The following GBE1 variants were observed in gnomAD, a reference collection of about 807,000 sequenced individuals.
The protein encoded by GBE1 is 1,4-alpha-glucan-branching enzyme.
A neutral mutation model predicts 88.8 loss-of-function variants in GBE1; 70 were observed. That is an observed-to-expected ratio of 0.79 (90% confidence interval 0.65 to 0.96). The LOEUF is 0.96. Among genes scored for constraint, GBE1 ranks in the 40% least tolerant of loss-of-function variants. The probability of loss-of-function intolerance (pLI) is 0.00; values close to 1 mark genes in which losing one functional copy is unlikely to be tolerated. For synonymous variants in GBE1, 284 were observed against 300.1 expected (o/e 0.95, Z 0.56); for missense variants, 872 against 871.0 (o/e 1.00, Z -0.01).
chr3:81,667,211 T>C (rs1432265444), intron 3 of GBE1, among the ~76,000 whole-genome samples: 2 of 152,192 alleles, frequency 1.3e-5, no homozygotes, highest in Non-Finnish European at 2.9e-5. Flanking sequence ...GTAGCAATTG[T>C]GAATGGGAGT....
At chr3:81,675,480 C>T (rs1267193843) in intron 2 of GBE1, among the ~76,000 whole-genome samples, 2 of 151,948 alleles carry the variant, frequency 1.3e-5, no homozygotes, top group East Asian at 1.9e-4. Flanking sequence ...GAGAAGACAA[C>T]ATGCGTTAAA....
chr3:81,753,124 A>G (rs1377097724), intron 1 of GBE1, among the ~76,000 whole-genome samples: 16 of 152,360 alleles, frequency 1.1e-4, no homozygotes, highest in Non-Finnish European at 1.5e-5. Context: ...TTAATTGTAT[A>G]ATAAATCAAT....
intron 12 of GBE1, among the ~76,000 whole-genome samples, chr3:81,541,700 C>T (rs1011636720): frequency 1.3e-5 from 2 of 151,976 alleles, no homozygotes; most frequent in Admixed American, 6.6e-5. Flanking sequence ...GCCAGTGCCT[C>T]GATCTAGGAC....
At chr3:81,744,423 T>C (rs1706395695) in intron 1 of GBE1, among the ~76,000 whole-genome samples, 1 of 152,152 alleles carries the variant, frequency 6.6e-6, no homozygotes, top group South Asian at 2.1e-4. Context: ...TACATTTCTA[T>C]TGGATAACAT....
intron 15 of GBE1, 22 bp downstream of exon 15, chr3:81,499,088 A>G: frequency 8.3e-7 from 1 of 1,199,242 alleles, no homozygotes; most frequent in East Asian, 2.4e-5. Context: ...ATAGCAGGAA[A>G]TATGTTGAGA....
chr3:81,578,088 A>G lies in GBE1; in HGVS notation c.1455T>C (p.Val485=). ...ACCAAAATGCCAGCGACTTATCCCC[A>G]ACCAATGCCTACAGAAATAAAAGTA... ...AYAESHDQAL[V]GDKSLAFWLM... Residue 485 remains valine (V), a synonymous_variant, in exon 12 of 16, where the codon GTT becomes GTC. Coordinates refer to ENST00000429644, the MANE Select transcript of GBE1 (RefSeq NM_000158.4). 1 of 1,598,342 alleles carries G rather than the reference A, an allele frequency of 6.3e-7. No homozygotes were observed. Among genetic ancestry groups the G allele is most frequent in the Non-Finnish European group, 8.5e-7 (1 of 1,172,524 alleles).
At chr3:81,497,126 A>G (rs1257265910) in intron 15 of GBE1, among the ~76,000 whole-genome samples, 1 of 152,214 alleles carries the variant, frequency 6.6e-6, no homozygotes, top group Non-Finnish European at 1.5e-5. Context: ...TTGAAAAGTA[A>G]TCTCCTGATG....
At position 81,581,254 on chromosome 3, in the gene GBE1, C is replaced by T; in HGVS notation, c.1357G>A (p.Glu453Lys). 1 of 1,589,850 alleles carries T rather than the reference C, an allele frequency of 6.3e-7. No homozygotes were observed. The highest frequency in any genetic ancestry group is 8.5e-7 in the Non-Finnish European group (1 of 1,169,838). The change falls in exon 11 of 16, where the codon GAA becomes AAA. Residue 453 changes from glutamate (E) to lysine (K), a missense_variant. Physicochemically the swap from Glu to Lys is moderately conservative, Grantham distance 56. Transcript: ENST00000429644. ...ACTATATCGCCCATGTTCCAGTCTT[C>T]ATCTTTAAACTCTTTAAGTAGCTAG... ...WIQLLKEFKD[E>K]DWNMGDIVYT...
intron 12 of GBE1, among the ~76,000 whole-genome samples, chr3:81,572,744 T>A (rs755840797): frequency 6.6e-6 from 1 of 152,222 alleles, no homozygotes; most frequent in Non-Finnish European, 1.5e-5. Context: ...TAGCGTTTAA[T>A]AAGAAAATCC....
chr3:81,591,786 T>C (rs1703881810), intron 8 of GBE1, among the ~76,000 whole-genome samples: 1 of 152,136 alleles, frequency 6.6e-6, no homozygotes, highest in South Asian at 2.1e-4. Flanking sequence ...CTTATTGTTA[T>C]AATAAAATCA....
At chr3:81,525,937 T>C (rs1702937785) in intron 14 of GBE1, among the ~76,000 whole-genome samples, 1 of 152,088 alleles carries the variant, frequency 6.6e-6, no homozygotes, top group South Asian at 2.1e-4. Context: ...TCTTTATTAG[T>C]CTTCCTAGCG....
chr3:81,528,948 G>C (rs1168076547), intron 14 of GBE1, among the ~76,000 whole-genome samples: 1 of 151,982 alleles, frequency 6.6e-6, no homozygotes, highest in Non-Finnish European at 1.5e-5. Flanking sequence ...TTTTTGATTG[G>C]AGAGTTCAGT....
chr3:81,754,212 C>T (rs1448646501), intron 1 of GBE1, among the ~76,000 whole-genome samples: 1 of 151,888 alleles, frequency 6.6e-6, no homozygotes, highest in African/African-American at 2.4e-5. Context: ...ATTTACAATA[C>T]CTACAACGAA....
intron 7 of GBE1, among the ~76,000 whole-genome samples, chr3:81,637,022 C>A (rs553777444): frequency 1.3e-5 from 2 of 152,170 alleles, no homozygotes; most frequent in Admixed American, 6.6e-5. Context: ...ATGGATAATA[C>A]CAAACCCTAT....
chr3:81,500,923 G>A (rs1702577848), intron 14 of GBE1, among the ~76,000 whole-genome samples: 1 of 152,110 alleles, frequency 6.6e-6, no homozygotes, highest in African/African-American at 2.4e-5. Flanking sequence ...TTCCGTCCCT[G>A]CGTTAATTCA....
At chr3:81,587,023 C>T (rs1221448530) in intron 9 of GBE1, among the ~76,000 whole-genome samples, 4 of 151,926 alleles carry the variant, frequency 2.6e-5, no homozygotes, top group African/African-American at 4.8e-5. Flanking sequence ...AACTCCTGAC[C>T]GTTCGAGACG....
chr3:81,558,755 A>G (rs1287949111), intron 12 of GBE1, among the ~76,000 whole-genome samples: 1 of 152,128 alleles, frequency 6.6e-6, no homozygotes, highest in East Asian at 1.9e-4. Flanking sequence ...AATTTTCATT[A>G]TATCCATATA....
At chr3:81,754,492 C>A in intron 1 of GBE1, among the ~76,000 whole-genome samples, 1 of 125,974 alleles carries the variant, frequency 7.9e-6, no homozygotes. Context: ...CAAAAGACCC[C>A]AAATAGCCAA....
chr3:81,560,344 T>C (rs1703400147), intron 12 of GBE1, among the ~76,000 whole-genome samples: 1 of 151,968 alleles, frequency 6.6e-6, no homozygotes. Flanking sequence ...AAAAATCATA[T>C]TGGAATAATC....
Sources: allele counts gnomAD v4.1 joint callset (sites outside exome capture counted in the v4.1 genomes callset), GRCh38; gene constraint gnomAD v4.1.1; transcripts MANE v1.5; gene names NCBI Gene and HGNC (gene_info 2026-07-23, HGNC 2026-07-21).